The following ELAVL4 variants were observed in gnomAD, a reference collection of about 807,000 sequenced individuals.
The protein encoded by ELAVL4 is ELAV-like protein 4.
A neutral mutation model predicts 35.6 loss-of-function variants in ELAVL4; 1 was observed. The ratio of observed to expected loss-of-function variants is 0.03; its 90% CI spans 0.01 to 0.13. The LOEUF is 0.13. Among genes scored for constraint, ELAVL4 ranks in the 10% least tolerant of loss-of-function variants. The pLI is 1.00. For missense variants in ELAVL4, 267 were observed against 464.9 expected (o/e 0.57, Z 3.91); for synonymous variants, 156 against 171.0 (o/e 0.91, Z 0.69).
intron 1 of ELAVL4, chr1:50,144,605 A>T: frequency 2.1e-6 from 1 of 480,438 alleles, no homozygotes; most frequent in Non-Finnish European, 4.0e-6. Context: ...AATTTTAATC[A>T]TGATTATTAC....
intron 1 of ELAVL4, among the ~76,000 whole-genome samples, chr1:50,113,131 A>G (rs957147275): frequency 2.6e-5 from 4 of 152,052 alleles, no homozygotes; most frequent in East Asian, 1.9e-4. Flanking sequence ...TGTGTGTTCA[A>G]TATCTCTAAA....
intron 1 of ELAVL4, among the ~76,000 whole-genome samples, chr1:50,079,153 C>T (rs1664892563): frequency 1.3e-5 from 2 of 152,072 alleles, no homozygotes; most frequent in Admixed American, 1.3e-4. Context: ...TCTCGAACTC[C>T]TGGGCCCAAG....
intron 3 of ELAVL4, among the ~76,000 whole-genome samples, chr1:50,183,460 G>A (rs754709718): frequency 1.3e-5 from 2 of 152,164 alleles, no homozygotes; most frequent in Non-Finnish European, 2.9e-5. Context: ...CAGGAGTAGA[G>A]AAGGGGAAGG....
At chr1:50,063,744 T>C (rs1173127281) in intron 1 of ELAVL4, among the ~76,000 whole-genome samples, 1 of 152,172 alleles carries the variant, frequency 6.6e-6, no homozygotes. Context: ...CATGCGACCC[T>C]AGTAACAGAA....
intron 3 of ELAVL4, among the ~76,000 whole-genome samples, chr1:50,186,501 T>G (rs1681845576): frequency 1.3e-5 from 2 of 152,068 alleles, no homozygotes; most frequent in African/African-American, 2.4e-5. Flanking sequence ...GTATCTTCTG[T>G]GGAGTCAAAG....
At chr1:50,096,577 A>T (rs182600876) in intron 1 of ELAVL4, among the ~76,000 whole-genome samples, 28 of 152,030 alleles carry the variant, frequency 1.8e-4, no homozygotes, top group African/African-American at 6.5e-4. Context: ...AGCAATAAGG[A>T]TCTTAGAAAG....
At chr1:50,189,000 A>G (rs1682255185) in intron 3 of ELAVL4, among the ~76,000 whole-genome samples, 1 of 152,068 alleles carries the variant, frequency 6.6e-6, no homozygotes, top group Non-Finnish European at 1.5e-5. Flanking sequence ...CATTCCCAAC[A>G]CCCATCCCAG....
chr1:50,107,810 CA>C (rs1666467199), upstream of ELAVL4, among the ~76,000 whole-genome samples: 1 of 152,084 alleles, frequency 6.6e-6, no homozygotes, highest in East Asian at 1.9e-4. Context: ...TTAAAAAACC[CA>C]AACCAGAACA....
chr1:50,087,579 A>G (rs1019229445), intron 1 of ELAVL4, among the ~76,000 whole-genome samples: 3 of 152,216 alleles, frequency 2.0e-5, no homozygotes, highest in African/African-American at 7.2e-5. Flanking sequence ...TTTCTACACG[A>G]AATTTGCTGT....
chr1:50,172,568 C>T (rs898970125), intron 2 of ELAVL4, among the ~76,000 whole-genome samples: 1 of 152,140 alleles, frequency 6.6e-6, no homozygotes, highest in African/African-American at 2.4e-5. Flanking sequence ...CACAGCTACA[C>T]TCATTTGTTT....
At chr1:50,078,106 TTGTGTGTGTGTGTGTG>T (rs56818675) in intron 1 of ELAVL4, among the ~76,000 whole-genome samples, 1 of 144,970 alleles carries the variant, frequency 6.9e-6, no homozygotes, top group African/African-American at 2.6e-5. Flanking sequence ...AATATATACC[TTGTGTGTGTGTGTGTG>T]TGTGTGTGTG....
At chr1:50,147,999 A>C (rs1674040198) in intron 2 of ELAVL4, among the ~76,000 whole-genome samples, 1 of 152,206 alleles carries the variant, frequency 6.6e-6, no homozygotes, top group South Asian at 2.1e-4. Flanking sequence ...CCGTTTGAGA[A>C]CAGATAGAAG....
intron 1 of ELAVL4, among the ~76,000 whole-genome samples, chr1:50,071,493 A>G (rs534937590): frequency 5.3e-5 from 8 of 152,334 alleles, no homozygotes; most frequent in Admixed American, 2.0e-4. Context: ...CCTCAGAGTC[A>G]AATTGAAGTT....
intron 1 of ELAVL4, among the ~76,000 whole-genome samples, chr1:50,138,520 C>T (rs1193056244): frequency 2.0e-5 from 3 of 151,572 alleles, no homozygotes; most frequent in African/African-American, 4.8e-5. Context: ...AGTGCAGTGG[C>T]GTGATCTCGG....
chr1:50,080,463 G>A lies in ELAVL4; in HGVS notation c.18+32281G>A, dbSNP rs556998088. On this transcript the variant is annotated intron_variant, in intron 1 of 6. Transcript: ENST00000448907. ...ACTCACACACATACTGATGTGGTCA[G>A]GCAATCATTCTCTGAATTCCATCAT... 4.2e-4 allele frequency among the ~76,000 whole-genome samples: 64 copies of A among 152,040 alleles called. 1 individual carries two copies. Among genetic ancestry groups the A allele is most frequent in the African/African-American group, 1.4e-3 (57 of 41,484 alleles).
chr1:50,056,483 A>G (rs1041452598), intron 1 of ELAVL4, among the ~76,000 whole-genome samples: 4 of 152,192 alleles, frequency 2.6e-5, no homozygotes, highest in Non-Finnish European at 4.4e-5. Context: ...CATTACTCAT[A>G]TGTTTGTGGT....
At chr1:50,109,478 A>G (rs897766941) in intron 1 of ELAVL4, 5 of 404,580 alleles carry the variant, frequency 1.2e-5, no homozygotes, top group African/African-American at 1.0e-4. Flanking sequence ...TGGTTTATTG[A>G]AAGAGGTTAT....
At chr1:50,070,740 C>CAAAAAAA (rs34633476) in intron 1 of ELAVL4, among the ~76,000 whole-genome samples, 2 of 77,134 alleles carry the variant, frequency 2.6e-5, no homozygotes, top group African/African-American at 4.8e-5. Flanking sequence ...GACTCCATCT[C>CAAAAAAA]AAAAAAAAAA....
At chr1:50,100,224 A>G (rs1665908138), upstream of ELAVL4, among the ~76,000 whole-genome samples, 1 of 152,186 alleles carries the variant, frequency 6.6e-6, no homozygotes, top group Admixed American at 6.5e-5. Flanking sequence ...ACCTACCATA[A>G]TGTTCAACAC....
Sources: gnomAD v4.1 joint callset for allele counts (sites outside exome capture counted in the v4.1 genomes callset) on GRCh38, gnomAD v4.1.1 for gene constraint, MANE v1.5 for transcripts, NCBI Gene and HGNC (gene_info 2026-07-23, HGNC 2026-07-21) for gene names.